PTPRO: variants seen among roughly 807,000 people sequenced by gnomAD.
PTPRO encodes protein tyrosine phosphatase receptor type O.
A neutral mutation model predicts 145.2 loss-of-function variants in PTPRO; 62 were observed. That is an observed-to-expected ratio of 0.43 (90% CI 0.35 to 0.53). The LOEUF (loss-of-function observed/expected upper bound fraction) is 0.53. PTPRO is among the 20% of genes least tolerant of loss of function. PTPRO has a pLI of 0.01. For missense variants in PTPRO, 1,345 were observed against 1,482.7 expected (o/e 0.91, Z 1.53); for synonymous variants, 565 against 514.7 (o/e 1.10, Z -1.32).
At chr12:15,467,337 T>C (rs1037271494) in intron 1 of PTPRO, among the ~76,000 whole-genome samples, 1 of 152,010 alleles carries the variant, frequency 6.6e-6, no homozygotes, top group South Asian at 2.1e-4. Context: ...ACTGAACTAA[T>C]GATATATGTC....
At chr12:15,526,378 G>C in intron 12 of PTPRO, 116 bp downstream of exon 12, 1 of 1,394,806 alleles carries the variant, frequency 7.2e-7, no homozygotes, top group South Asian at 1.2e-5. Context: ...AATTTTTTAT[G>C]AGTAGAAAAT....
chr12:15,405,844 A>C (rs543730988), intron 1 of PTPRO, among the ~76,000 whole-genome samples: 1 of 152,226 alleles, frequency 6.6e-6, no homozygotes, highest in Non-Finnish European at 1.5e-5. Context: ...GGACCAATAC[A>C]GTTACCAATG....
At chr12:15,341,774 C>T (rs78955497) in intron 1 of PTPRO, among the ~76,000 whole-genome samples, 1,801 of 152,128 alleles carry the variant, frequency 0.012, 36 homozygotes, top group African/African-American at 0.04. Flanking sequence ...AAACCAAGTA[C>T]CTGATTAAAA....
intron 15 of PTPRO, among the ~76,000 whole-genome samples, chr12:15,553,966 A>G (rs1943544278): frequency 1.3e-5 from 2 of 152,220 alleles, no homozygotes; most frequent in South Asian, 4.1e-4. Context: ...AGGCTGAGCC[A>G]GGTGGATCAC....
intron 10 of PTPRO, among the ~76,000 whole-genome samples, chr12:15,522,738 A>G (rs148654771): frequency 6.6e-6 from 1 of 152,200 alleles, no homozygotes; most frequent in Non-Finnish European, 1.5e-5. Context: ...CATAGTAATT[A>G]TGCGGAGGGG....
chr12:15,363,831 C>T (rs186871662), intron 1 of PTPRO, among the ~76,000 whole-genome samples: 45 of 152,198 alleles, frequency 3.0e-4, no homozygotes, highest in East Asian at 9.6e-4. Flanking sequence ...AAAGGATCTA[C>T]GCTGACATAA....
chr12:15,334,419 A>T (rs1191640002), intron 1 of PTPRO, among the ~76,000 whole-genome samples: 1 of 152,198 alleles, frequency 6.6e-6, no homozygotes, highest in Admixed American at 6.5e-5. Flanking sequence ...CATGAGTGCT[A>T]CATAAAGTGT....
chr12:15,326,935 T>A (rs2136194014), intron 1 of PTPRO, among the ~76,000 whole-genome samples: 1 of 152,350 alleles, frequency 6.6e-6, no homozygotes, highest in African/African-American at 2.4e-5. Context: ...ATTTTTGAAA[T>A]AAAGGAATGT....
rs1944441587 is a variant in PTPRO at position 15,586,917 on chromosome 12, G to A, written c.3276G>A (p.Val1092=). The part of the protein sequence containing the change: ...RINYADEMQD[V]MHFNYTAWPD... ...TAAAGGCTGACGAGATGCAGGATGT[G>A]ATGCATTTTAACTACACTGCATGGC... is the stretch of plus-strand genomic sequence containing the variant. Residue 1092 remains valine, a synonymous_variant, in exon 24 of 27, where the codon GTG becomes GTA. Coordinates refer to ENST00000281171, the MANE Select transcript of PTPRO (RefSeq NM_030667.3). 6.2e-7 allele frequency: 1 copy of A among 1,613,916 alleles called. No individual in the cohort carries two copies. The highest frequency in any genetic ancestry group is 1.1e-5 in the South Asian group (1 of 91,080).
At chr12:15,592,390 A>G (rs1483466930) in intron 25 of PTPRO, among the ~76,000 whole-genome samples, 1 of 152,196 alleles carries the variant, frequency 6.6e-6, no homozygotes, top group Non-Finnish European at 1.5e-5. Context: ...ATCAACCCAC[A>G]TAGACCATAT....
At chr12:15,442,632 G>A (rs1940800066) in intron 1 of PTPRO, among the ~76,000 whole-genome samples, 1 of 152,074 alleles carries the variant, frequency 6.6e-6, no homozygotes, top group African/African-American at 2.4e-5. Context: ...ACTGATAAAT[G>A]ACTTCAGCGA....
chr12:15,407,854 A>G (rs1452710604), intron 1 of PTPRO, among the ~76,000 whole-genome samples: 1 of 152,226 alleles, frequency 6.6e-6, no homozygotes, highest in Non-Finnish European at 1.5e-5. Flanking sequence ...TATCAAGCTC[A>G]TTCACTTTAC....
intron 1 of PTPRO, among the ~76,000 whole-genome samples, chr12:15,363,923 C>T (rs571563990): frequency 6.6e-6 from 1 of 152,196 alleles, no homozygotes; most frequent in African/African-American, 2.4e-5. Context: ...TAGCTGGCAT[C>T]AGAATATTAT....
At chr12:15,325,360 G>A (rs1866415367) in intron 1 of PTPRO, among the ~76,000 whole-genome samples, 1 of 152,288 alleles carries the variant, frequency 6.6e-6, no homozygotes, top group Admixed American at 6.5e-5. Context: ...AATGTGACTG[G>A]CCAAGAAGGT....
intron 1 of PTPRO, among the ~76,000 whole-genome samples, chr12:15,405,697 G>C (rs1480326605): frequency 2.6e-5 from 4 of 152,118 alleles, no homozygotes; most frequent in Non-Finnish European, 5.9e-5. Context: ...GCCGTTAAGA[G>C]AATGAAGGAC....
chr12:15,382,178 T>TATATATATATATA (rs1565597910), intron 1 of PTPRO, among the ~76,000 whole-genome samples: 1 of 133,218 alleles, frequency 7.5e-6, no homozygotes, highest in African/African-American at 3.3e-5. Flanking sequence ...ATATATATAT[T>TATATATATATATA]TATATTTATA....
intron 2 of PTPRO, among the ~76,000 whole-genome samples, chr12:15,492,767 A>G (rs1004621651): frequency 3.9e-5 from 6 of 152,170 alleles, no homozygotes; most frequent in Non-Finnish European, 7.4e-5. Flanking sequence ...AAATTGGAAG[A>G]TAATACCATG....
intron 2 of PTPRO, among the ~76,000 whole-genome samples, chr12:15,494,906 C>T (rs1429096435): frequency 1.3e-5 from 2 of 152,098 alleles, no homozygotes; most frequent in African/African-American, 4.8e-5. Flanking sequence ...TTTCTGTCTC[C>T]TTTCATTTTA....
At chr12:15,550,304 G>C (rs951126762) in intron 14 of PTPRO, among the ~76,000 whole-genome samples, 1 of 152,196 alleles carries the variant, frequency 6.6e-6, no homozygotes, top group Non-Finnish European at 1.5e-5. Context: ...TATTCATTAA[G>C]TGGAAGCAGA....
Sources: gnomAD v4.1 joint callset for allele counts (sites outside exome capture counted in the v4.1 genomes callset) on GRCh38, gnomAD v4.1.1 for gene constraint, MANE v1.5 for transcripts, NCBI Gene and HGNC (gene_info 2026-07-23, HGNC 2026-07-21) for gene names.